TJP3: variants seen among roughly 807,000 people sequenced by gnomAD.
TJP3 encodes the protein tight junction protein 3.
A neutral mutation model predicts 104.2 loss-of-function variants in TJP3; 85 were observed. That is an observed-to-expected ratio of 0.82 (90% confidence interval 0.68 to 0.98). The LOEUF (loss-of-function observed/expected upper bound fraction) is 0.98, where lower values mean the gene tolerates loss of function less well. Among genes scored for constraint, TJP3 ranks in the 50% least tolerant of loss-of-function variants. The probability of loss-of-function intolerance (pLI) is 0.00; values close to 1 mark genes in which losing one functional copy is unlikely to be tolerated. For synonymous variants in TJP3, 550 were observed against 550.6 expected (o/e 1.00, Z 0.02); for missense variants, 1,367 against 1,322.8 (o/e 1.03, Z -0.52).
chr19:3,728,908 CG>C (rs1568381725), intron 3 of TJP3, among the ~76,000 whole-genome samples, 195 bp downstream of exon 3: 1 of 152,010 alleles, frequency 6.6e-6, no homozygotes, highest in African/African-American at 2.4e-5. Flanking sequence ...CAAAAATTAG[CG>C]GGATGTGGTA....
At position 3,730,412 on chromosome 19, in the gene TJP3, C is replaced by A; in HGVS notation, c.319C>A (p.Pro107Thr). Residue 107 changes from proline (P) to threonine (T), a missense_variant, in exon 5 of 21, where the codon CCA becomes ACA. Transcript: ENST00000541714. This position sits in a 1 kb window ranked among gnomAD's most constrained non-coding sequence, Gnocchi z 7.3. ...CGCCACCAAAGCCAGCCCCTCCAGC[C>A]CAGGGCGCCAGGACTCGGATGAAGA... is the stretch of plus-strand genomic sequence containing the variant. ...LPATKASPSS[P>T]GRQDSDEDDG... 6.3e-7 allele frequency: 1 copy of A among 1,584,078 alleles called. No homozygotes were observed.
chr19:3,744,953 G>T (rs888056366), intron 15 of TJP3, among the ~76,000 whole-genome samples: 2 of 151,662 alleles, frequency 1.3e-5, no homozygotes, highest in African/African-American at 4.8e-5. Context: ...AAATAGTTAA[G>T]ATTGCAAATT....
intron 1 of TJP3, among the ~76,000 whole-genome samples, chr19:3,709,554 C>T (rs1444831201): frequency 1.3e-5 from 2 of 152,144 alleles, no homozygotes; most frequent in African/African-American, 2.4e-5. Context: ...GGAGCTTCCT[C>T]GTGAGCCAAG....
At chr19:3,740,006 G>A (rs1486988711) in intron 13 of TJP3, among the ~76,000 whole-genome samples, 1 of 152,032 alleles carries the variant, frequency 6.6e-6, no homozygotes, top group African/African-American at 2.4e-5. Context: ...GGCTGAGGCG[G>A]GCAGATCACG....
intron 1 of TJP3, among the ~76,000 whole-genome samples, chr19:3,721,175 C>T (rs1269731931): frequency 1.3e-5 from 2 of 152,090 alleles, no homozygotes; most frequent in African/African-American, 2.4e-5. Context: ...TTGGGGATTA[C>T]AGGCATGAGC....
At position 3,739,049 on chromosome 19, in the gene TJP3, C is replaced by T; in HGVS notation, c.1546C>T (p.His516Tyr). ...GCTGCACCCCGGCCCCGGGCAGAGC[C>T]ACGCACGAGGAGGCCACTGGCTGGC... ...DTLHPGPGQS[H>Y]ARGGHWLAVR... The change falls in exon 13 of 21, where the codon CAC becomes TAC. Residue 516 changes from histidine (H) to tyrosine (Y), a missense_variant. Coordinates refer to ENST00000541714, the MANE Select transcript of TJP3 (RefSeq NM_001267560.2). 1.2e-6 allele frequency: 2 copies of T among 1,610,450 alleles called. No homozygotes were observed. The highest frequency in any genetic ancestry group is 2.2e-5 in the South Asian group (2 of 90,796).
At chr19:3,738,757 G>A (rs1027909848) in intron 12 of TJP3, 94 bp downstream of exon 12, 18 of 1,333,252 alleles carry the variant, frequency 1.4e-5, no homozygotes, top group Middle Eastern at 2.4e-4. Flanking sequence ...GGTTGAATCT[G>A]CATCTCTGCA....
At chr19:3,740,920 C>G (rs569709670) in intron 14 of TJP3, among the ~76,000 whole-genome samples, 157 bp downstream of exon 14, 1 of 152,148 alleles carries the variant, frequency 6.6e-6, no homozygotes, top group East Asian at 1.9e-4. Flanking sequence ...GTAGGAGGAT[C>G]GCTGAGGCCA....
In TJP3 at chr19:3,723,451, C is replaced by T. The variant is rs1020943712; in HGVS notation, c.-9-4973C>T. ...GAGGAAAGACCAGAAACATACTAACCGATGGTTAAAGAGAATAAAGATGAT... is the reference window on the plus strand; with the variant it reads ...GAGGAAAGACCAGAAACATACTAACTGATGGTTAAAGAGAATAAAGATGAT... On this transcript the variant is annotated intron_variant, in intron 1 of 20. Coordinates refer to ENST00000541714, the MANE Select transcript of TJP3 (RefSeq NM_001267560.2). 5.3e-5 allele frequency among the ~76,000 whole-genome samples: 8 copies of T among 152,158 alleles called. No homozygotes were observed. The South Asian group carries it at 6.2e-4, about 12-fold the overall frequency.
intron 1 of TJP3, among the ~76,000 whole-genome samples, chr19:3,719,469 C>T (rs2036521920): frequency 6.6e-6 from 1 of 152,036 alleles, no homozygotes; most frequent in Middle Eastern, 3.4e-3. Context: ...GGAGTAGTGG[C>T]TCATGCCCAT....
chr19:3,738,937 C>T lies in TJP3; in HGVS notation c.1434C>T (p.Phe478=). ...KMVQSRVGDS[F]YIRTHFELEP... The stretch of plus-strand genomic sequence containing the variant: ...TGCAGTCCCGCGTGGGTGACTCCTT[C>T]TACATCCGCACTCACTTTGAGCTGG... Residue 478 remains phenylalanine, a synonymous_variant, in exon 13 of 21, where the codon TTC becomes TTT. Coordinates refer to ENST00000541714, the MANE Select transcript of TJP3 (RefSeq NM_001267560.2). 1 of 1,611,872 alleles carries T rather than the reference C, an allele frequency of 6.2e-7. No individual in the cohort carries two copies. The highest frequency in any genetic ancestry group is 8.5e-7 in the Non-Finnish European group (1 of 1,178,912).
At chr19:3,728,811 G>T in intron 3 of TJP3, 98 bp downstream of exon 3, 1 of 1,352,102 alleles carries the variant, frequency 7.4e-7, no homozygotes, top group Non-Finnish European at 1.0e-6. Context: ...CCAGCACTTT[G>T]CGAGGCTGAA....
rs771543163 is a variant in TJP3 at position 3,744,023 on chromosome 19, T to G, written c.1928T>G (p.Phe643Cys). 1.2e-6 allele frequency: 2 copies of G among 1,613,866 alleles called. No individual in the cohort carries two copies. The highest frequency in any genetic ancestry group is 2.2e-5 in the East Asian group (1 of 44,894). ...QKLTAEMPDQ[F>C]EIAETVSRTD... is the part of the protein sequence containing the mutation. ...TTGACTGCTGAGATGCCTGACCAGT[T>G]TGAAATCGCAGGTGAGAAGCCAGAT... The change falls in exon 15 of 21, where the codon TTT becomes TGT. Residue 643 changes from phenylalanine to cysteine, a missense_variant. Transcript: ENST00000541714.
intron 14 of TJP3, 107 bp downstream of exon 14, chr19:3,740,870 G>A: frequency 9.0e-7 from 1 of 1,113,370 alleles, no homozygotes; most frequent in Non-Finnish European, 1.2e-6. Flanking sequence ...GCCCGGCGTG[G>A]TGGCTCACGC....
intron 6 of TJP3, among the ~76,000 whole-genome samples, chr19:3,733,066 C>T (rs148198611): frequency 0.025 from 3,794 of 150,840 alleles, 75 homozygotes; most frequent in Non-Finnish European, 0.04. Flanking sequence ...TATGGAGTGT[C>T]GCTCTGTCAC....
rs1470863614 is a variant in TJP3 at position 3,733,904 on chromosome 19, C to T, written c.869C>T (p.Pro290Leu). The change falls in exon 7 of 21, where the codon CCA becomes CTA. Residue 290 changes from proline to leucine, a missense_variant. Transcript: ENST00000541714. ...PPAVSDSDSS[P>L]LEDISDLASE... ...GCTGTCAGTGACAGCGACAGCTCGC[C>T]ATTGGAGGGTGAGGACCTAGAGGTT... 1 of 1,613,918 alleles carries T rather than the reference C, an allele frequency of 6.2e-7. No homozygotes were observed. The highest frequency in any genetic ancestry group is 8.5e-7 in the Non-Finnish European group (1 of 1,179,888).
chr19:3,710,533 C>T (rs516423), intron 1 of TJP3, among the ~76,000 whole-genome samples: 109,003 of 152,052 alleles, frequency 0.72, 39,436 homozygotes, highest in East Asian at 1. Context: ...CCCTGAGTCC[C>T]GGGGAAAGTC....
At chr19:3,735,663 CT>C in intron 9 of TJP3, 24 bp downstream of exon 9, 3 of 1,613,034 alleles carry the variant, frequency 1.9e-6, no homozygotes, top group Non-Finnish European at 2.5e-6. Context: ...CTGAGCACCC[CT>C]GTCCCTGACA....
At position 3,728,595 on chromosome 19, in the gene TJP3, C is replaced by T. The variant is rs1393227999; in HGVS notation, c.49-9C>T. On this transcript the variant is annotated splice_polypyrimidine_tract_variant and intron_variant, in intron 2 of 20. Transcript: ENST00000541714. ...ACAGCAGCTCTTCCTTCCCCTCATC[C>T]TCTCTCAGGACCCCCGCCGGGGCTT... 1.2e-6 allele frequency: 2 copies of T among 1,610,844 alleles called. No individual in the cohort carries two copies. Among genetic ancestry groups the T allele is most frequent in the South Asian group, 2.2e-5 (2 of 90,052 alleles).
Sources: allele counts gnomAD v4.1 joint callset (sites outside exome capture counted in the v4.1 genomes callset), GRCh38; gene constraint gnomAD v4.1.1; non-coding constraint Gnocchi (gnomAD v3.1); transcripts MANE v1.5; gene names NCBI Gene and HGNC (gene_info 2026-07-23, HGNC 2026-07-21).